ROCK1: variants seen among roughly 807,000 people sequenced by gnomAD.
ROCK1 encodes the protein rho-associated protein kinase 1.
A neutral mutation model predicts 196.8 loss-of-function variants in ROCK1; 36 were observed. The observed-to-expected ratio is 0.18, with a 90% CI of 0.14 to 0.24. ROCK1 has a LOEUF of 0.24. ROCK1 is among the 10% of genes least tolerant of loss of function. ROCK1 has a pLI of 1.00. For synonymous variants in ROCK1, 443 were observed against 515.9 expected (o/e 0.86, Z 1.91); for missense variants, 920 against 1,562.0 (o/e 0.59, Z 6.93).
chr18:21,055,495 C>A (rs1285020603), intron 2 of ROCK1, among the ~76,000 whole-genome samples: 1 of 152,176 alleles, frequency 6.6e-6, no homozygotes, highest in Admixed American at 6.5e-5. Flanking sequence ...ACTTAACTAT[C>A]AGCATGTACA....
At chr18:21,065,050 A>T (rs1350448045) in intron 2 of ROCK1, among the ~76,000 whole-genome samples, 1 of 152,202 alleles carries the variant, frequency 6.6e-6, no homozygotes, top group East Asian at 1.9e-4. Context: ...ACATCATACG[A>T]TGCAAAGAAC....
rs771575207 is a variant in ROCK1, at chr18:20,982,763, C to T, written c.2559G>A (p.Ser853=). The T allele has an allele frequency of 4.0e-5, 60 of 1,490,554 alleles. 1 individual carries two copies. The highest frequency in any genetic ancestry group is 3.5e-4 in the South Asian group (31 of 87,814). 92.3% of individuals were successfully genotyped at this position (1,490,554 alleles called of 1,614,324 possible). Residue 853 remains serine, a splice_region_variant and synonymous_variant, in exon 21 of 33, where the codon TCG becomes TCA. Transcript: ENST00000399799. ...TATGTTAAAAATGATTCTCACTTAC[C>T]GAGAAATATTGCTCAGCTTCAAGCT... ...QDQLEAEQYF[S]TLYKTQVKEL... is the part of the protein sequence containing the mutation.
At chr18:21,060,936 C>T (rs535107586) in intron 2 of ROCK1, among the ~76,000 whole-genome samples, 6 of 148,084 alleles carry the variant, frequency 4.1e-5, no homozygotes, top group Middle Eastern at 3.5e-3. Flanking sequence ...CAGGAAATAA[C>T]GAATATGTTC....
rs939082190 is a variant in ROCK1 at position 20,949,246 on chromosome 18, A to G, written c.*2138T>C. 6.6e-6 allele frequency: 1 copy of G among 152,192 alleles called. No homozygotes were observed. Among genetic ancestry groups the G allele is most frequent in the African/African-American group, 2.4e-5 (1 of 41,536 alleles). The allele number at this position is 152,192 out of a possible 1,614,324, so 9.4% of individuals were successfully genotyped here. A position where few individuals can be genotyped will look rare whatever the true frequency, so the allele number is the denominator to read the frequency against. ...GTAATGGTGATGAGTCTGAGAAGGTAGTAAGGACACCGTCAGGAACTGTGC... is the reference window on the plus strand; with the variant it reads ...GTAATGGTGATGAGTCTGAGAAGGTGGTAAGGACACCGTCAGGAACTGTGC... On this transcript the variant is annotated 3_prime_UTR_variant, in exon 33 of 33. Transcript: ENST00000399799.
In ROCK1 at chr18:20,947,657, T is replaced by C. The variant is rs1440460130; in HGVS notation, c.*3727A>G. On this transcript the variant is annotated 3_prime_UTR_variant, in exon 33 of 33. Transcript: ENST00000399799. The stretch of plus-strand genomic sequence containing the variant: ...ACATAATCTCATCGGATTGTCATTA[T>C]ATGACTATTTATTAACCTAATGATC... 1.3e-5 allele frequency: 2 copies of C among 152,186 alleles called. No individual in the cohort carries two copies. Among genetic ancestry groups the C allele is most frequent in the Admixed American group, 1.3e-4 (2 of 15,276 alleles). 9.4% of individuals were successfully genotyped at this position (152,186 alleles called of 1,614,324 possible).
rs71269004 is a variant in ROCK1 at position 21,033,854 on chromosome 18, T to TAAAAAAAAAAAAAAAAAAAAAA, written c.1052-4941_1052-4920dup. ...TAACTCAGTGAAACCCCGTTTCTAC[T>TAAAAAAAAAAAAAAAAAAAAAA]AAAAAAAAAAAAAAAAAAAAAAAAA... On this transcript the variant is annotated intron_variant, in intron 9 of 32. Coordinates refer to ENST00000399799, the MANE Select transcript of ROCK1 (RefSeq NM_005406.3). 6.0e-4 allele frequency among the ~76,000 whole-genome samples: 20 copies of TAAAAAAAAAAAAAAAAAAAAAA among 33,462 alleles called. 4 individuals are homozygous for TAAAAAAAAAAAAAAAAAAAAAA. The highest frequency in any genetic ancestry group is 1.1e-3 in the African/African-American group (10 of 9,330). 22.0% of individuals were successfully genotyped at this position (33,462 alleles called of 152,430 possible). A position where few individuals can be genotyped will look rare whatever the true frequency, so the allele number is the denominator to read the frequency against.
intron 2 of ROCK1, among the ~76,000 whole-genome samples, chr18:21,054,323 T>C (rs1222728614): frequency 2.0e-5 from 3 of 152,002 alleles, no homozygotes; most frequent in Admixed American, 6.6e-5. Flanking sequence ...TTCTTTTGAC[T>C]TTTTTTTCAA....
intron 13 of ROCK1, 136 bp downstream of exon 13, chr18:21,015,295 G>A: frequency 1.5e-6 from 1 of 680,934 alleles, no homozygotes; most frequent in Non-Finnish European, 2.7e-6. Flanking sequence ...GTTCCAAGGT[G>A]AGGCTTTCAT....
intron 29 of ROCK1, among the ~76,000 whole-genome samples, chr18:20,959,076 A>ATATATATATTTTATATAATATATATAT (rs1568367353): frequency 2.0e-4 from 8 of 39,450 alleles, no homozygotes; most frequent in East Asian, 8.3e-4. Context: ...ATATTATATA[A>ATATATATATTTTATATAATATATATAT]TATATATATT....
At chr18:20,995,323 A>G (rs2035661262) in intron 16 of ROCK1, among the ~76,000 whole-genome samples, 1 of 152,192 alleles carries the variant, frequency 6.6e-6, no homozygotes, top group African/African-American at 2.4e-5. Flanking sequence ...AAACAGGGGG[A>G]GGCAGAGAAG....
At chr18:21,073,778 G>A (rs1341806889) in intron 1 of ROCK1, among the ~76,000 whole-genome samples, 1 of 152,130 alleles carries the variant, frequency 6.6e-6, no homozygotes, top group African/African-American at 2.4e-5. Context: ...TGGTACTAAA[G>A]ACTGCTGACC....
In ROCK1 at chr18:20,969,642, G is replaced by C. The variant is rs142566152; in HGVS notation, c.2821-434C>G. On this transcript the variant is annotated intron_variant, in intron 23 of 32. Transcript: ENST00000399799. ...TTTTAGTAATATATAATCATTACTT[G>C]TTATATGTTATATTAATCATTCTAT... 1.0e-3 allele frequency among the ~76,000 whole-genome samples: 154 copies of C among 151,986 alleles called. 1 individual carries two copies. Among genetic ancestry groups the C allele is most frequent in the Non-Finnish European group, 1.3e-3 (88 of 67,954 alleles).
chr18:21,024,897 T>C (rs1038667775), intron 10 of ROCK1, among the ~76,000 whole-genome samples: 3 of 152,214 alleles, frequency 2.0e-5, no homozygotes, highest in Admixed American at 1.3e-4. Flanking sequence ...TTTAATTCCA[T>C]TGACTACTAA....
intron 27 of ROCK1, among the ~76,000 whole-genome samples, chr18:20,965,424 C>T (rs1179854138): frequency 6.6e-6 from 1 of 151,746 alleles, no homozygotes; most frequent in East Asian, 1.9e-4. Context: ...TACATACATA[C>T]ATACATACAT....
At chr18:21,015,599 G>A in intron 12 of ROCK1, 120 bp from the exon 13 acceptor site, 3 of 678,496 alleles carry the variant, frequency 4.4e-6, no homozygotes, top group Non-Finnish European at 7.8e-6. Context: ...TTGGTGCCAT[G>A]GATCTCTTTG....
At chr18:20,968,955 A>G in intron 24 of ROCK1, 95 bp from the exon 25 acceptor site, 6 of 959,070 alleles carry the variant, frequency 6.3e-6, no homozygotes, top group Non-Finnish European at 9.7e-6. Context: ...ATAAGTATAC[A>G]TTACATAGTA....
At chr18:20,975,077 T>C (rs1055804025) in intron 22 of ROCK1, among the ~76,000 whole-genome samples, 7 of 152,130 alleles carry the variant, frequency 4.6e-5, no homozygotes, top group Non-Finnish European at 1.0e-4. Flanking sequence ...TATCTGAAAA[T>C]TCCTCCTACC....
intron 1 of ROCK1, among the ~76,000 whole-genome samples, chr18:21,102,600 G>C (rs1402434056): frequency 6.6e-6 from 1 of 152,172 alleles, no homozygotes; most frequent in Non-Finnish European, 1.5e-5. Context: ...TTGAGGGCTG[G>C]GTGCTGTGGC....
At chr18:20,999,122 T>C (rs1360466864) in intron 16 of ROCK1, among the ~76,000 whole-genome samples, 1 of 152,064 alleles carries the variant, frequency 6.6e-6, no homozygotes, top group Non-Finnish European at 1.5e-5. Context: ...AACAAGATGC[T>C]AGCAAACCAA....
Sources: allele counts gnomAD v4.1 joint callset (sites outside exome capture counted in the v4.1 genomes callset), GRCh38; gene constraint gnomAD v4.1.1; transcripts MANE v1.5; gene names NCBI Gene and HGNC (gene_info 2026-07-23, HGNC 2026-07-21).